SRCAP: variants seen among roughly 807,000 people sequenced by gnomAD.
SRCAP encodes chromatin remodeling protein SRCAP.
SRCAP carries 46 observed loss-of-function variants against 263.1 expected under a neutral mutation model. That is an observed-to-expected ratio of 0.17 (90% confidence interval 0.14 to 0.22). The LOEUF (loss-of-function observed/expected upper bound fraction) is 0.22, where lower values mean the gene tolerates loss of function less well. Among genes scored for constraint, SRCAP ranks in the 10% least tolerant of loss-of-function variants. SRCAP has a pLI of 1.00. For synonymous variants in SRCAP, 1,813 were observed against 1,662.1 expected, an observed-to-expected ratio of 1.09 and a Z score of -2.21; for missense variants, 3,695 against 4,181.9, an observed-to-expected ratio of 0.88 and a Z score of 3.21.
intron 22 of SRCAP, 96 bp downstream of exon 22, chr16:30,722,382 C>T: frequency 6.5e-7 from 1 of 1,543,450 alleles, no homozygotes; most frequent in South Asian, 1.2e-5. Context: ...ATGTTTCTTA[C>T]CCAAGCTTTT....
chr16:30,734,087 C>A, intron 30 of SRCAP, 79 bp downstream of exon 30: 1 of 1,290,438 alleles, frequency 7.7e-7, no homozygotes, highest in Non-Finnish European at 1.1e-6. Flanking sequence ...TTAAAGAAGA[C>A]TGCTTTGGAC....
chr16:30,717,622 T>TC (rs1215562737), intron 18 of SRCAP, among the ~76,000 whole-genome samples: 2 of 145,366 alleles, frequency 1.4e-5, no homozygotes, highest in African/African-American at 5.1e-5. Context: ...TTTTTTTTTT[T>TC]TTTTTTTTTG....
At chr16:30,706,105 C>G (rs952835260) in intron 4 of SRCAP, among the ~76,000 whole-genome samples, 1 of 152,138 alleles carries the variant, frequency 6.6e-6, no homozygotes. Flanking sequence ...CCATTTAGTC[C>G]TGTCTGGTCT....
chr16:30,704,419 A>T, intron 4 of SRCAP, 104 bp downstream of exon 4: 3 of 1,414,754 alleles, frequency 2.1e-6, no homozygotes, highest in Middle Eastern at 2.3e-4. Context: ...TCATGGATTT[A>T]GGGTATAGGT....
At position 30,710,830 on chromosome 16, in the gene SRCAP, C is replaced by T. The variant is rs749992209; in HGVS notation, c.1211C>T (p.Thr404Ile). The T allele has an allele frequency of 8.1e-6, 13 of 1,614,082 alleles. No homozygotes were observed. The highest frequency in any genetic ancestry group is 4.0e-5 in the African/African-American group (3 of 74,930). The change falls in exon 9 of 34, where the codon ACT (threonine) becomes ATT (isoleucine). Residue 404 changes from threonine to isoleucine, a missense_variant. By Grantham distance (89) the Thr-to-Ile change is moderately conservative. Transcript: ENST00000262518. Reference sequence around the variant, plus strand: ...CCAGATGAAGATGATGAAGAGTTTACTGCCAACGAAGAGGAAGGTCAGGGC... The same window carrying T: ...CCAGATGAAGATGATGAAGAGTTTATTGCCAACGAAGAGGAAGGTCAGGGC... The part of the protein sequence containing the change: ...WHPDEDDEEF[T>I]ANEEEAEDEE...
Position 30,709,515 on chromosome 16 carries a change from G to A in SRCAP, c.636G>A (p.Val212=), listed in dbSNP as rs867536860. The A allele has an allele frequency of 1.2e-6, 2 of 1,614,110 alleles. No individual in the cohort carries two copies. The highest frequency in any genetic ancestry group is 1.1e-5 in the South Asian group (1 of 91,072). The change falls in exon 7 of 34, where the codon GTG becomes GTA. Residue 212 remains valine (V), a splice_region_variant and synonymous_variant. Transcript: ENST00000262518. ...AGTCCCTTTCACATCTGTGGCAGGT[G>A]GTGCAATTCAAGCAACAGTCCCGGC... ...VRQFWSNVEK[V]VQFKQQSRLE... is the part of the protein sequence containing the mutation.
At chr16:30,728,406 G>T (rs574961589) in intron 25 of SRCAP, among the ~76,000 whole-genome samples, 1 of 152,290 alleles carries the variant, frequency 6.6e-6, no homozygotes, top group African/African-American at 2.4e-5. Flanking sequence ...GAAAGGATTG[G>T]GTCAAAGTCA....
At chr16:30,715,505 C>T (rs1424078163) in intron 16 of SRCAP, among the ~76,000 whole-genome samples, 3 of 150,972 alleles carry the variant, frequency 2.0e-5, no homozygotes, top group African/African-American at 7.3e-5. Context: ...GCAGAGCTTG[C>T]AGTGAGCCAG....
In SRCAP at chr16:30,724,082, C is replaced by T. The variant is rs768416540; in HGVS notation, c.4658C>T (p.Ser1553Leu). Residue 1553 changes from serine (S) to leucine (L), a missense_variant, in exon 25 of 34, where the codon TCG (serine) becomes TTG (leucine). This residue lies in a region of SRCAP where 1,347 missense variants were observed against 1,304.4 expected (regional missense o/e 1.03). Transcript: ENST00000262518. ...TGCTCACCTGTCCTGGTGCCAGCTT[C>T]GGCTCTGGCCAGTCCTTTTCCGTCA... is the stretch of plus-strand genomic sequence containing the variant. Reference protein sequence around the residue: ...PACSPVLVPASALASPFPSAP... With the variant: ...PACSPVLVPALALASPFPSAP... 6.2e-6 allele frequency: 10 copies of T among 1,613,646 alleles called. No homozygotes were observed. Among genetic ancestry groups the T allele is most frequent in the South Asian group, 1.1e-5 (1 of 91,088 alleles).
At chr16:30,702,936 G>T (rs2052785020) in intron 3 of SRCAP, among the ~76,000 whole-genome samples, 1 of 151,882 alleles carries the variant, frequency 6.6e-6, no homozygotes, top group Non-Finnish European at 1.5e-5. Context: ...TTGGGTGTTT[G>T]AGAACATTGG....
At position 30,739,887 on chromosome 16, in the gene SRCAP, A is replaced by G; in HGVS notation, c.*154A>G. The G allele has an allele frequency of 8.1e-7, 1 of 1,227,708 alleles. No homozygotes were observed. 76.1% of individuals were successfully genotyped at this position (1,227,708 alleles called of 1,614,324 possible). A position where few individuals can be genotyped will look rare whatever the true frequency, so the allele number is the denominator to read the frequency against. Reference sequence around the variant, plus strand: ...CTTCCCACCAAAGTAGGGGGTAGGCAACTGGTTGTCATGGAAATGGGGATC... The same window carrying G: ...CTTCCCACCAAAGTAGGGGGTAGGCGACTGGTTGTCATGGAAATGGGGATC... On this transcript the variant is annotated 3_prime_UTR_variant, in exon 34 of 34. Coordinates refer to ENST00000262518, the MANE Select transcript of SRCAP (RefSeq NM_006662.3).
chr16:30,717,152 T>C (rs2052958890), intron 18 of SRCAP, among the ~76,000 whole-genome samples: 1 of 152,166 alleles, frequency 6.6e-6, no homozygotes, highest in South Asian at 2.1e-4. Flanking sequence ...TTAATGAGTG[T>C]GAATTGGTAT....
At position 30,722,635 on chromosome 16, in the gene SRCAP, T is replaced by C. The variant is rs1438874947; in HGVS notation, c.3779T>C (p.Ile1260Thr). Residue 1260 changes from isoleucine (I) to threonine (T), a missense_variant, in exon 23 of 34, where the codon ATC becomes ACC. Around this residue, in one of 12 missense-constraint regions of SRCAP, gnomAD observed 1,347 missense variants for 1,304.4 expected, o/e 1.03. Coordinates refer to ENST00000262518, the MANE Select transcript of SRCAP (RefSeq NM_006662.3). Reference sequence around the variant, plus strand: ...AGCCAGCCTGCCCATGTGGCCCTCATCCAGGCCGTGGCCCCGACCCCTGGC... The same window carrying C: ...AGCCAGCCTGCCCATGTGGCCCTCACCCAGGCCGTGGCCCCGACCCCTGGC... ...LISQPAHVAL[I>T]QAVAPTPGPT... 6.2e-7 allele frequency: 1 copy of C among 1,614,092 alleles called. No individual in the cohort carries two copies. Among genetic ancestry groups the C allele is most frequent in the Non-Finnish European group, 8.5e-7 (1 of 1,180,020 alleles).
Position 30,724,560 on chromosome 16 carries a change from A to C in SRCAP, c.5136A>C (p.Pro1712=), listed in dbSNP as rs1162508185. The C allele has an allele frequency of 6.2e-7, 1 of 1,614,150 alleles. No individual in the cohort carries two copies. ...LGTGNPQGPF[P]TQTLSLTPAS... The stretch of plus-strand genomic sequence containing the variant: ...CGGGGAACCCCCAGGGACCCTTTCC[A>C]ACTCAGACATTGTCATTAACTCCAG... Residue 1712 remains proline (P), a synonymous_variant, in exon 25 of 34, where the codon CCA becomes CCC. Transcript: ENST00000262518.
Position 30,724,707 on chromosome 16 carries a change from C to T in SRCAP, c.5283C>T (p.Gly1761=), listed in dbSNP as rs752387673. 2.5e-6 allele frequency: 4 copies of T among 1,613,980 alleles called. No homozygotes were observed. In the Admixed American group the frequency reaches 5.0e-5, roughly 20 times the overall value. ...APPLAPASPV[G]PAPAHTLTLA... ...CTCTGGCTCCAGCTTCTCCAGTGGG[C>T]CCAGCCCCAGCTCACACGCTGACTT... Residue 1761 remains glycine, a synonymous_variant, in exon 25 of 34, where the codon GGC becomes GGT. Coordinates refer to ENST00000262518, the MANE Select transcript of SRCAP (RefSeq NM_006662.3).
intron 4 of SRCAP, among the ~76,000 whole-genome samples, chr16:30,706,440 C>G (rs2052828144): frequency 6.6e-6 from 1 of 152,078 alleles, no homozygotes; most frequent in African/African-American, 2.4e-5. Flanking sequence ...ACTCAGATTT[C>G]TGAGTGAGAT....
At position 30,716,392 on chromosome 16, in the gene SRCAP, A is replaced by G. The variant is rs755534704; in HGVS notation, c.2730A>G (p.Arg910=). 6.2e-7 allele frequency: 1 copy of G among 1,614,108 alleles called. No homozygotes were observed. The highest frequency in any genetic ancestry group is 1.1e-5 in the South Asian group (1 of 91,078). Reference sequence around the variant, plus strand: ...ATCATCCAAATCTGTTCGACCCTCGACCGGTTACCTCCCCTTTCATCACCC... The same window carrying G: ...ATCATCCAAATCTGTTCGACCCTCGGCCGGTTACCTCCCCTTTCATCACCC... ...VCNHPNLFDP[R]PVTSPFITPG... The change falls in exon 18 of 34, where the codon CGA becomes CGG. Residue 910 remains arginine (R), a synonymous_variant. Transcript: ENST00000262518.
At position 30,737,664 on chromosome 16, in the gene SRCAP, A is replaced by T. The variant is rs1161039272; in HGVS notation, c.7624A>T (p.Asn2542Tyr). The T allele has an allele frequency of 6.2e-7, 1 of 1,613,830 alleles. No homozygotes were observed. Among genetic ancestry groups the T allele is most frequent in the African/African-American group, 1.3e-5 (1 of 74,828 alleles). ...PSVPISASVT[N>Y]LPLGLRPEAE... ...TGTGCCCATCTCTGCCTCAGTCACT[A>T]ATCTCCCCTTGGGCTTGAGGCCTGA... The change falls in exon 34 of 34, where the codon AAT (asparagine) becomes TAT (tyrosine). Residue 2542 changes from asparagine (N) to tyrosine (Y), a missense_variant. Physicochemically the swap from Asn to Tyr is moderately radical, Grantham distance 143. Coordinates refer to ENST00000262518, the MANE Select transcript of SRCAP (RefSeq NM_006662.3).
At position 30,724,786 on chromosome 16, in the gene SRCAP, C is replaced by A; in HGVS notation, c.5362C>A (p.Leu1788Met). Residue 1788 changes from leucine (L) to methionine (M), a missense_variant, in exon 25 of 34, where the codon CTG becomes ATG. Leu to Met is a conservative substitution (Grantham distance 15). Coordinates refer to ENST00000262518, the MANE Select transcript of SRCAP (RefSeq NM_006662.3). ...SLLAPASVQT[L>M]TLSPAPVPTL... is the part of the protein sequence containing the mutation. ...CCTGGCCCCAGCTTCAGTGCAGACA[C>A]TGACCTTGAGCCCTGCCCCAGTTCC... 2 of 1,613,628 alleles carry A rather than the reference C, an allele frequency of 1.2e-6. No homozygotes were observed. Among genetic ancestry groups the A allele is most frequent in the Non-Finnish European group, 1.7e-6 (2 of 1,179,712 alleles).
Sources: allele counts gnomAD v4.1 joint callset (sites outside exome capture counted in the v4.1 genomes callset), GRCh38; gene constraint gnomAD v4.1.1; regional missense constraint gnomAD v4.1.1; transcripts MANE v1.5; gene names NCBI Gene and HGNC (gene_info 2026-07-23, HGNC 2026-07-21).